Variants in F8 observed in about 807,000 individuals in gnomAD.
F8 encodes antihemophilic factor.
F8 carries 12 observed loss-of-function variants against 140.6 expected under a neutral mutation model. That is an observed-to-expected ratio of 0.09 (90% CI 0.05 to 0.14). The LOEUF (loss-of-function observed/expected upper bound fraction) is 0.14. F8 is among the 10% of genes least tolerant of loss of function. The probability of loss-of-function intolerance (pLI) is 1.00; values close to 1 mark genes in which losing one functional copy is unlikely to be tolerated. For missense variants in F8, 1,354 were observed against 1,720.7 expected (o/e 0.79, Z 3.77); for synonymous variants, 585 against 614.6 (o/e 0.95, Z 0.71).
rs781835812 is a variant in F8 at position 154,904,695 on chromosome X, T to C, written c.5586+116A>G. 101 of 719,730 alleles carry C rather than the reference T, an allele frequency of 1.4e-4. 1 individual carries two copies. Among genetic ancestry groups the C allele is most frequent in the Admixed American group, 5.7e-4 (23 of 40,007 alleles). The allele number at this position is 719,730 out of a possible 1,213,427, so 59.3% of individuals were successfully genotyped here. ...CATTTCTAAAACACAAATATAATGA[T>C]CAACTCTCCTATTTAAAGCTTCTTA... is the stretch of plus-strand genomic sequence containing the variant. On this transcript the variant is annotated intron_variant, in intron 16 of 25. Transcript: ENST00000360256.
At position 154,861,949 on chromosome X, in the gene F8, G is replaced by A. The variant is rs782069210; in HGVS notation, c.6575-83C>T. On this transcript the variant is annotated intron_variant, in intron 23 of 25. Transcript: ENST00000360256. ...TGAGCAGCTTCCACTGATATTCTAG[G>A]GCTACTGTCATCATAATATCATTTC... is the stretch of plus-strand genomic sequence containing the variant. The A allele has an allele frequency of 9.4e-5, 91 of 971,747 alleles. No individual in the cohort carries two copies. In the South Asian group the frequency reaches 1.6e-3, roughly 17 times the overall value. 80.1% of individuals were successfully genotyped at this position (971,747 alleles called of 1,213,427 possible).
intron 12 of F8, among the ~76,000 whole-genome samples, chrX:154,950,992 C>T (rs2073334579): frequency 1.8e-5 from 2 of 112,080 alleles, no homozygotes; most frequent in African/African-American, 6.5e-5. Flanking sequence ...CATCTTTCTC[C>T]AGATTTGGAA....
chrX:154,855,281 A>G (rs1422019166), intron 25 of F8, among the ~76,000 whole-genome samples: 3 of 111,807 alleles, frequency 2.7e-5, no homozygotes, highest in African/African-American at 9.8e-5. Context: ...TGCTGGAAAA[A>G]GTGATGAAAG....
chrX:154,937,146 T>A (rs1256804547), intron 13 of F8, among the ~76,000 whole-genome samples: 1 of 111,177 alleles, frequency 9.0e-6, no homozygotes, highest in Non-Finnish European at 1.9e-5. Context: ...TGAACCAAGT[T>A]TTAATCTCAA....
At chrX:154,993,260 C>G (rs1300529922) in intron 3 of F8, 112 bp from the exon 4 acceptor site, 8 of 654,430 alleles carry the variant, frequency 1.2e-5, no homozygotes, top group Non-Finnish European at 1.4e-5. Context: ...CTTTCTGCAT[C>G]TTTGTTGTTG....
At chrX:154,974,091 T>C (rs2073472959) in intron 6 of F8, among the ~76,000 whole-genome samples, 1 of 111,965 alleles carries the variant, frequency 8.9e-6, no homozygotes, top group Admixed American at 9.4e-5. Context: ...GTTCTGGGAT[T>C]ACAGGCATAA....
intron 25 of F8, among the ~76,000 whole-genome samples, chrX:154,858,859 T>C (rs782782074): frequency 3.6e-4 from 41 of 112,628 alleles, no homozygotes; most frequent in Non-Finnish European, 3.4e-4. Flanking sequence ...GGACTTGTCA[T>C]GGTTAATTTT....
At chrX:154,984,901 T>G (rs1358976915) in intron 5 of F8, 98 bp from the exon 6 acceptor site, 2 of 657,040 alleles carry the variant, frequency 3.0e-6, no homozygotes, top group Admixed American at 4.5e-5. Context: ...TGCTCACACC[T>G]TAAGCATTTT....
chrX:154,953,955 G>A lies in F8; in HGVS notation c.1840C>T (p.Leu614Phe), dbSNP rs1191390826. 1 of 1,209,865 alleles carries A rather than the reference G, an allele frequency of 8.3e-7. No individual in the cohort carries two copies. Among genetic ancestry groups the A allele is most frequent in the Non-Finnish European group, 1.1e-6 (1 of 895,114 alleles). Reference sequence around the variant, plus strand: ...AGCTGCACTCCAGCTGGATTGGGGAGAAAGCGTTGTATATTCTCTGTGAGG... The same window carrying A: ...AGCTGCACTCCAGCTGGATTGGGGAAAAAGCGTTGTATATTCTCTGTGAGG... ...WYLTENIQRFLPNPAGVQLED... is the reference protein window; with the variant it reads ...WYLTENIQRFFPNPAGVQLED... Residue 614 changes from leucine (L) to phenylalanine (F), a missense_variant, in exon 12 of 26, where the codon CTC becomes TTC. Physicochemically the swap from Leu to Phe is conservative, Grantham distance 22. Around this residue, in one of 4 missense-constraint regions of F8, gnomAD observed 252 missense variants for 338.5 expected, o/e 0.74. Coordinates refer to ENST00000360256, the MANE Select transcript of F8 (RefSeq NM_000132.4).
At chrX:154,993,199 AAG>A (rs1569559984) in intron 3 of F8, 51 bp from the exon 4 acceptor site, 2 of 1,015,846 alleles carry the variant, frequency 2.0e-6, no homozygotes, top group Admixed American at 2.3e-5. Context: ...TGTACACTCA[AAG>A]AAACATGTCA....
intron 25 of F8, among the ~76,000 whole-genome samples, chrX:154,843,434 C>G (rs1383580214): frequency 8.9e-6 from 1 of 111,957 alleles, no homozygotes; most frequent in African/African-American, 3.3e-5. Flanking sequence ...GTTCCTATTT[C>G]TCCACATCCT....
Position 154,903,971 on chromosome X carries a change from C to G in F8, c.5933G>C (p.Ser1978Thr), listed in dbSNP as rs2073023372. 1 of 1,210,488 alleles carries G rather than the reference C, an allele frequency of 8.3e-7. No individual in the cohort carries two copies. The highest frequency in any genetic ancestry group is 1.8e-5 in the South Asian group (1 of 56,970). ...SNENIHSIHFSGHVFTVRKKE... is the reference protein window; with the variant it reads ...SNENIHSIHFTGHVFTVRKKE... ...TTTTCGTACAGTGAACACATGTCCA[C>G]TGAAATGAATAGAATGGATGTTTTC... Residue 1978 changes from serine to threonine, a missense_variant, in exon 18 of 26, where the codon AGT becomes ACT. Physicochemically the swap from Ser to Thr is moderately conservative, Grantham distance 58. Around this residue, in one of 4 missense-constraint regions of F8, gnomAD observed 316 missense variants for 485.4 expected, o/e 0.65. Transcript: ENST00000360256.
At chrX:154,973,580 T>G (rs1217700923) in intron 6 of F8, among the ~76,000 whole-genome samples, 1 of 112,299 alleles carries the variant, frequency 8.9e-6, no homozygotes, top group Non-Finnish European at 1.9e-5. Flanking sequence ...TTTCTGGACA[T>G]TTTTTGTAGC....
chrX:154,954,348 C>T (rs1557280998), intron 11 of F8, among the ~76,000 whole-genome samples: 1 of 111,949 alleles, frequency 8.9e-6, no homozygotes, highest in African/African-American at 3.3e-5. Flanking sequence ...GCCTTATTCT[C>T]TTCATGTTCA....
At chrX:154,865,580 C>T (rs28814617) in intron 22 of F8, among the ~76,000 whole-genome samples, 10,898 of 108,913 alleles carry the variant, frequency 0.1, 544 homozygotes, top group South Asian at 0.34. Context: ...AAAGTTGTGG[C>T]GGGGGGAATG....
chrX:154,915,453 A>G (rs184205852), intron 14 of F8, among the ~76,000 whole-genome samples: 18 of 112,233 alleles, frequency 1.6e-4, no homozygotes, highest in Middle Eastern at 4.6e-3. Flanking sequence ...TGAACATGGG[A>G]TAGATACCTT....
chrX:154,926,375 TTTAC>T (rs1406009481), intron 14 of F8, among the ~76,000 whole-genome samples: 1 of 111,378 alleles, frequency 9.0e-6, no homozygotes, highest in African/African-American at 3.3e-5. Flanking sequence ...AGGGAATGGT[TTTAC>T]TTATTTATTT....
At chrX:154,965,130 A>G (rs1557281876) in intron 9 of F8, among the ~76,000 whole-genome samples, 1 of 112,097 alleles carries the variant, frequency 8.9e-6, no homozygotes, top group African/African-American at 3.2e-5. Context: ...TGAAGACAAC[A>G]TATAAACATT....
chrX:154,930,664 C>T lies in F8; in HGVS notation c.3126G>A (p.Glu1042=). ...TATTTTGCCAGACTGATGGACTATT[C>T]TCAATTAATAATGATGGGCCATCAA... ...THIDGPSLLI[E]NSPSVWQNIL... is the part of the protein sequence containing the mutation. Residue 1042 remains glutamate, a synonymous_variant, in exon 14 of 26, where the codon GAG becomes GAA. Coordinates refer to ENST00000360256, the MANE Select transcript of F8 (RefSeq NM_000132.4). 11 of 1,209,596 alleles carry T rather than the reference C, an allele frequency of 9.1e-6. No individual in the cohort carries two copies. The highest frequency in any genetic ancestry group is 1.8e-5 in the South Asian group (1 of 56,426).
Sources: allele counts gnomAD v4.1 joint callset (sites outside exome capture counted in the v4.1 genomes callset), GRCh38; gene constraint gnomAD v4.1.1; regional missense constraint gnomAD v4.1.1; transcripts MANE v1.5; gene names NCBI Gene and HGNC (gene_info 2026-07-23, HGNC 2026-07-21).